The following ZDHHC15 variants were observed in gnomAD, a reference collection of about 807,000 sequenced individuals.
ZDHHC15 encodes the protein palmitoyltransferase ZDHHC15.
A neutral mutation model predicts 31.7 loss-of-function variants in ZDHHC15; 19 were observed. The observed-to-expected ratio is 0.60, with a 90% CI of 0.42 to 0.88. ZDHHC15 has a LOEUF of 0.88. ZDHHC15 is among the 40% of genes least tolerant of loss of function. The pLI, the probability that ZDHHC15 is intolerant of heterozygous loss-of-function variation, is 0.00. For synonymous variants in ZDHHC15, 103 were observed against 90.0 expected (o/e 1.14, Z -0.82); for missense variants, 209 against 251.2 (o/e 0.83, Z 1.14).
chrX:75,378,234 T>C (rs768358586), intron 11 of ZDHHC15, among the ~76,000 whole-genome samples: 1 of 112,373 alleles, frequency 8.9e-6, no homozygotes, highest in South Asian at 3.7e-4. Context: ...ATAAGTGATT[T>C]AACCTCTCTG....
At chrX:75,491,432 C>T (rs376712749) in intron 2 of ZDHHC15, among the ~76,000 whole-genome samples, 3 of 90,400 alleles carry the variant, frequency 3.3e-5, no homozygotes, top group African/African-American at 8.7e-5. Context: ...ACAATGAGAA[C>T]ACATGGACAA....
chrX:75,508,400 G>T (rs765083298), intron 1 of ZDHHC15, among the ~76,000 whole-genome samples: 123 of 100,685 alleles, frequency 1.2e-3, no homozygotes, highest in African/African-American at 3.6e-3. Flanking sequence ...GCAGTGTTTG[G>T]TTTTTTTTGT....
chrX:75,476,714 C>G (rs1362966722), intron 3 of ZDHHC15, among the ~76,000 whole-genome samples: 2 of 104,646 alleles, frequency 1.9e-5, no homozygotes, highest in Non-Finnish European at 3.9e-5. Flanking sequence ...CCCTTCCCTC[C>G]CTTCTCCTCT....
intron 3 of ZDHHC15, among the ~76,000 whole-genome samples, chrX:75,460,364 C>A (rs2084293346): frequency 9.0e-6 from 1 of 110,835 alleles, no homozygotes; most frequent in African/African-American, 3.3e-5. Context: ...AGTCTGCTGG[C>A]TTTGCAGAGT....
At position 75,478,323 on chromosome X, in the gene ZDHHC15, C is replaced by T. The variant is rs773130252; in HGVS notation, c.258+568G>A. 2.7e-5 allele frequency among the ~76,000 whole-genome samples: 3 copies of T among 111,294 alleles called. No homozygotes were observed. The South Asian group carries it at 1.2e-3, about 43-fold the overall frequency. ...TTTCATAGAATTGAATTAGATGAGG[C>T]CTCAGAGTCCAAGTGGGTTCTTGTT... On this transcript the variant is annotated intron_variant, in intron 3 of 11. Coordinates refer to ENST00000373367, the MANE Select transcript of ZDHHC15 (RefSeq NM_144969.3).
intron 10 of ZDHHC15, among the ~76,000 whole-genome samples, chrX:75,409,993 A>G (rs2083467382): frequency 9.2e-6 from 1 of 109,072 alleles, no homozygotes. Context: ...TAGAAAGAAC[A>G]GTCTCTTCAG....
intron 7 of ZDHHC15, among the ~76,000 whole-genome samples, chrX:75,428,505 A>C (rs1346343954): frequency 9.0e-6 from 1 of 111,306 alleles, no homozygotes; most frequent in East Asian, 2.8e-4. Flanking sequence ...AGCAGGTAAG[A>C]GATCCAGTAT....
chrX:75,452,216 A>T (rs2084133386), intron 3 of ZDHHC15, among the ~76,000 whole-genome samples: 1 of 108,904 alleles, frequency 9.2e-6, no homozygotes, highest in African/African-American at 3.3e-5. Flanking sequence ...GCGAAAAAAA[A>T]AAAAAAAAGC....
intron 3 of ZDHHC15, among the ~76,000 whole-genome samples, chrX:75,474,334 AT>A (rs1167868506): frequency 9.2e-6 from 1 of 108,170 alleles, no homozygotes; most frequent in Non-Finnish European, 1.9e-5. Context: ...CAACTTCTTC[AT>A]TTTTGGGATT....
chrX:75,425,623 T>C (rs950723053), intron 7 of ZDHHC15, among the ~76,000 whole-genome samples: 18 of 112,169 alleles, frequency 1.6e-4, no homozygotes, highest in African/African-American at 5.8e-4. Context: ...GAATGACTAC[T>C]ATTTATTTCC....
chrX:75,370,853 G>C lies in ZDHHC15; in HGVS notation c.*2125C>G, dbSNP rs1322772722. 2 of 111,844 alleles carry C rather than the reference G, an allele frequency of 1.8e-5. No individual in the cohort carries two copies. Among genetic ancestry groups the C allele is most frequent in the East Asian group, 5.6e-4 (2 of 3,558 alleles). The allele number at this position is 111,844 out of a possible 1,213,427, so 9.2% of individuals were successfully genotyped here. On this transcript the variant is annotated 3_prime_UTR_variant, in exon 12 of 12. Transcript: ENST00000373367. The stretch of plus-strand genomic sequence containing the variant: ...AGCCTTATTTGGCCTTTTAAAGACA[G>C]TGTAAATCTGTAAGACATTAAACAA...
chrX:75,476,405 A>G (rs2084605964), intron 3 of ZDHHC15, among the ~76,000 whole-genome samples: 1 of 110,886 alleles, frequency 9.0e-6, no homozygotes, highest in African/African-American at 3.3e-5. Flanking sequence ...AAGTCTATTC[A>G]GATTTTTTAT....
intron 4 of ZDHHC15, among the ~76,000 whole-genome samples, chrX:75,446,386 C>T (rs777766903): frequency 1.8e-5 from 2 of 111,476 alleles, no homozygotes; most frequent in Non-Finnish European, 3.8e-5. Context: ...GAAGGTAGAA[C>T]TTAGAATAGT....
chrX:75,514,645 A>C (rs1341448375), intron 1 of ZDHHC15, among the ~76,000 whole-genome samples: 1 of 111,601 alleles, frequency 9.0e-6, no homozygotes, highest in Non-Finnish European at 1.9e-5. Context: ...GGCCATGGGA[A>C]ACTATGACAG....
chrX:75,475,873 CATGTCT>C (rs1213916313), intron 3 of ZDHHC15, among the ~76,000 whole-genome samples: 4 of 112,006 alleles, frequency 3.6e-5, no homozygotes, highest in African/African-American at 1.3e-4. Context: ...TCCCTTTATT[CATGTCT>C]ACTTTCTTTC....
At chrX:75,470,884 C>G (rs1462423430) in intron 3 of ZDHHC15, among the ~76,000 whole-genome samples, 1 of 111,663 alleles carries the variant, frequency 9.0e-6, no homozygotes, top group Non-Finnish European at 1.9e-5. Flanking sequence ...CCTAGAAACA[C>G]AATAAATCAA....
At chrX:75,491,643 A>C (rs963858940) in intron 2 of ZDHHC15, among the ~76,000 whole-genome samples, 1 of 110,944 alleles carries the variant, frequency 9.0e-6, no homozygotes, top group Admixed American at 9.7e-5. Context: ...AAATAAAAGA[A>C]AAAAAAGAAA....
intron 3 of ZDHHC15, among the ~76,000 whole-genome samples, chrX:75,461,167 A>C (rs969735635): frequency 8.9e-6 from 1 of 112,240 alleles, no homozygotes; most frequent in Admixed American, 9.5e-5. Flanking sequence ...TAGCAGAATA[A>C]ATAAAGCAGA....
intron 1 of ZDHHC15, among the ~76,000 whole-genome samples, chrX:75,511,780 C>T (rs1397346061): frequency 1.1e-4 from 8 of 70,404 alleles, no homozygotes; most frequent in African/African-American, 4.4e-4. Flanking sequence ...CTCCCTAACT[C>T]ATTTTATGAG....
Sources: allele counts gnomAD v4.1 joint callset (sites outside exome capture counted in the v4.1 genomes callset), GRCh38; gene constraint gnomAD v4.1.1; transcripts MANE v1.5; gene names NCBI Gene and HGNC (gene_info 2026-07-23, HGNC 2026-07-21).